Variants in FRMD5 observed in about 807,000 individuals in gnomAD.
FRMD5 encodes the protein FERM domain-containing protein 5.
FRMD5 carries 20 observed loss-of-function variants against 69.0 expected under a neutral mutation model. That is an observed-to-expected ratio of 0.29 (90% CI 0.20 to 0.42). The LOEUF is 0.42. Ranked by LOEUF, FRMD5 falls within the 10% of genes least tolerant of loss-of-function variation. The probability of loss-of-function intolerance (pLI) is 1.00; values close to 1 mark genes in which losing one functional copy is unlikely to be tolerated. For synonymous variants in FRMD5, 271 were observed against 260.1 expected (o/e 1.04, Z -0.40); for missense variants, 595 against 708.6 (o/e 0.84, Z 1.82).
chr15:44,158,884 A>G lies in FRMD5; in HGVS notation c.102+36069T>C, dbSNP rs895548729. On this transcript the variant is annotated intron_variant, in intron 1 of 13. Transcript: ENST00000417257. ...TCTTCATTCAAAGACCTCAAAGTCT[A>G]GTGGAAGAAAGAGCCACACATACCT... Among the ~76,000 whole-genome samples the G allele has an allele frequency of 2.3e-4, 35 of 152,248 alleles. 1 individual carries two copies. The highest frequency in any genetic ancestry group is 8.8e-5 in the Non-Finnish European group (6 of 68,040).
intron 1 of FRMD5, among the ~76,000 whole-genome samples, chr15:44,102,608 A>G (rs1456915424): frequency 6.6e-6 from 1 of 152,214 alleles, no homozygotes; most frequent in Non-Finnish European, 1.5e-5. Flanking sequence ...TTGTTTGAAG[A>G]TGGGAGGCTT....
chr15:44,112,266 T>C (rs949704643), intron 1 of FRMD5, among the ~76,000 whole-genome samples: 1 of 152,242 alleles, frequency 6.6e-6, no homozygotes, highest in Non-Finnish European at 1.5e-5. Flanking sequence ...GAACTTATAC[T>C]AGAAGTTTTA....
At chr15:44,043,157 G>C (rs879491631) in intron 1 of FRMD5, among the ~76,000 whole-genome samples, 2 of 152,172 alleles carry the variant, frequency 1.3e-5, no homozygotes, top group Non-Finnish European at 2.9e-5. Flanking sequence ...CAAATCATGA[G>C]TGAACTCCCA....
chr15:44,017,418 GC>G (rs754190050), intron 1 of FRMD5, among the ~76,000 whole-genome samples: 42 of 151,494 alleles, frequency 2.8e-4, no homozygotes, highest in Admixed American at 3.9e-4. Context: ...TCATGTATCT[GC>G]CAGTATTTTG....
chr15:44,191,313 G>A (rs1020570775), intron 1 of FRMD5, among the ~76,000 whole-genome samples: 2 of 152,096 alleles, frequency 1.3e-5, no homozygotes, highest in African/African-American at 4.8e-5. Context: ...TCCTGGCCGG[G>A]TGCAGTGGCT....
chr15:44,178,667 G>A (rs1488643198), intron 1 of FRMD5, among the ~76,000 whole-genome samples: 3 of 152,144 alleles, frequency 2.0e-5, no homozygotes, highest in Non-Finnish European at 2.9e-5. Context: ...CTAACTTAGA[G>A]GGGAAATGAC....
At chr15:44,197,330 T>A (rs1042443819), upstream of FRMD5, among the ~76,000 whole-genome samples, 1 of 152,178 alleles carries the variant, frequency 6.6e-6, no homozygotes, top group South Asian at 2.1e-4. Context: ...GTAAAATTAT[T>A]AATATGCCAA....
intron 1 of FRMD5, among the ~76,000 whole-genome samples, chr15:43,937,594 C>T (rs759051628): frequency 1.9e-4 from 29 of 149,890 alleles, no homozygotes; most frequent in Non-Finnish European, 1.9e-4. Context: ...GCCAAGATCG[C>T]GCCACTGCAC....
intron 1 of FRMD5, among the ~76,000 whole-genome samples, chr15:44,071,928 C>T (rs922870508): frequency 6.6e-6 from 1 of 152,138 alleles, no homozygotes; most frequent in African/African-American, 2.4e-5. Flanking sequence ...TGGAGTGGTG[C>T]AATCTCGGCT....
intron 1 of FRMD5, among the ~76,000 whole-genome samples, chr15:44,074,685 T>C (rs114768669): frequency 0.011 from 1,711 of 152,204 alleles, 23 homozygotes; most frequent in African/African-American, 0.039. Context: ...CACTAGGTCT[T>C]AGGGTTACAG....
chr15:44,005,063 C>A (rs1435634553), intron 1 of FRMD5, among the ~76,000 whole-genome samples: 1 of 152,204 alleles, frequency 6.6e-6, no homozygotes, highest in Non-Finnish European at 1.5e-5. Flanking sequence ...CCTTACCTCT[C>A]AATTCTGTGA....
chr15:43,887,421 T>C (rs1189863732), intron 10 of FRMD5, among the ~76,000 whole-genome samples: 1 of 152,168 alleles, frequency 6.6e-6, no homozygotes, highest in Admixed American at 6.5e-5. Flanking sequence ...CTATGGACAG[T>C]AGGGACTGAA....
chr15:43,951,187 A>G (rs1219447510), intron 1 of FRMD5, among the ~76,000 whole-genome samples: 3 of 152,240 alleles, frequency 2.0e-5, no homozygotes, highest in Non-Finnish European at 2.9e-5. Context: ...TTGGGAGGCC[A>G]AGGTGGGCAG....
At chr15:44,025,213 T>A (rs1287174432) in intron 1 of FRMD5, among the ~76,000 whole-genome samples, 1 of 151,966 alleles carries the variant, frequency 6.6e-6, no homozygotes, top group African/African-American at 2.4e-5. Flanking sequence ...AACTATAATA[T>A]AGAACAAAAT....
intron 1 of FRMD5, among the ~76,000 whole-genome samples, chr15:43,924,871 G>C (rs775102593): frequency 3.3e-5 from 5 of 152,126 alleles, no homozygotes; most frequent in Non-Finnish European, 7.4e-5. Context: ...CTGAATAAGT[G>C]ATCAGGCACA....
intron 7 of FRMD5, among the ~76,000 whole-genome samples, chr15:43,898,881 T>G (rs2088977910): frequency 6.6e-6 from 1 of 152,130 alleles, no homozygotes; most frequent in Admixed American, 6.5e-5. Flanking sequence ...CATCCAGCAT[T>G]TGTAGAATCT....
chr15:43,991,988 G>T (rs932766930), intron 1 of FRMD5, among the ~76,000 whole-genome samples: 2 of 152,108 alleles, frequency 1.3e-5, no homozygotes, highest in African/African-American at 4.8e-5. Context: ...AAGTATGAGA[G>T]AAACAGAAAC....
At chr15:44,072,410 A>G (rs996123710) in intron 1 of FRMD5, among the ~76,000 whole-genome samples, 1 of 152,216 alleles carries the variant, frequency 6.6e-6, no homozygotes, top group Non-Finnish European at 1.5e-5. Flanking sequence ...GCTACTTGTT[A>G]TAACAGCAAA....
At chr15:44,040,239 CTTCAGGATATTA>C (rs1376374628) in intron 1 of FRMD5, among the ~76,000 whole-genome samples, 1 of 152,106 alleles carries the variant, frequency 6.6e-6, no homozygotes, top group Non-Finnish European at 1.5e-5. Context: ...TTGGAAAACA[CTTCAGGATATTA>C]TTCAGAAGAA....
Sources: gnomAD v4.1 joint callset for allele counts (sites outside exome capture counted in the v4.1 genomes callset) on GRCh38, gnomAD v4.1.1 for gene constraint, MANE v1.5 for transcripts, NCBI Gene and HGNC (gene_info 2026-07-23, HGNC 2026-07-21) for gene names.